The following ADGRL2 variants were observed in gnomAD, a reference collection of about 807,000 sequenced individuals.
ADGRL2 encodes the protein adhesion G protein-coupled receptor L2.
Under a neutral mutation model 157.4 loss-of-function variants are expected in ADGRL2, and 44 were observed. The ratio of observed to expected loss-of-function variants is 0.28; its 90% CI spans 0.22 to 0.36. The LOEUF (loss-of-function observed/expected upper bound fraction) is 0.36, where lower values mean the gene tolerates loss of function less well. Among genes scored for constraint, ADGRL2 ranks in the 10% least tolerant of loss-of-function variants. The pLI is 1.00. For synonymous variants in ADGRL2, 585 were observed against 624.7 expected, an observed-to-expected ratio of 0.94 and a Z score of 0.95; for missense variants, 1,510 against 1,768.9, an observed-to-expected ratio of 0.85 and a Z score of 2.63.
Position 81,992,519 on chromosome 1 carries a change from G to A in ADGRL2, c.*1374G>A, listed in dbSNP as rs1208165530. The A allele has an allele frequency of 6.6e-6, 1 of 152,352 alleles. No individual in the cohort carries two copies. Among genetic ancestry groups the A allele is most frequent in the Non-Finnish European group, 1.5e-5 (1 of 68,016 alleles). The allele number at this position is 152,352 out of a possible 1,614,324, so 9.4% of individuals were successfully genotyped here. ...AAGTAACGTCATACCAAAGTCCATG[G>A]ATATATGAAAGGATACAATTAAGTT... On this transcript the variant is annotated 3_prime_UTR_variant, in exon 24 of 24. Transcript: ENST00000686636.
rs532629131 is a variant in ADGRL2 at position 81,571,378 on chromosome 1, T to C, written c.-247-9498T>C. ...TATATATATAATATATATTTGTATA[T>C]ATGTATATATATGTGTATGTATATA... is the stretch of plus-strand genomic sequence containing the variant. On this transcript the variant is annotated intron_variant, in intron 2 of 24. Coordinates refer to the ADGRL2 transcript ENST00000370721. Among the ~76,000 whole-genome samples, 210 of 147,438 alleles carry C rather than the reference T, an allele frequency of 1.4e-3. 2 individuals carry two copies. The highest frequency in any genetic ancestry group is 5.0e-3 in the African/African-American group (201 of 40,380).
At chr1:81,472,333 T>C (rs1467146171) in intron 2 of ADGRL2, among the ~76,000 whole-genome samples, 4 of 152,158 alleles carry the variant, frequency 2.6e-5, no homozygotes, top group Admixed American at 2.6e-4. Flanking sequence ...CTAAAAGAAA[T>C]CTTGCATTTA....
intron 1 of ADGRL2, among the ~76,000 whole-genome samples, chr1:81,703,458 G>T (rs181546535): frequency 5.9e-4 from 90 of 152,158 alleles, no homozygotes; most frequent in African/African-American, 2.1e-3. Flanking sequence ...TTCCAAGAGA[G>T]AAGGACAGGA....
At chr1:81,556,089 T>TAA (rs1338364677) in intron 2 of ADGRL2, among the ~76,000 whole-genome samples, 1 of 152,040 alleles carries the variant, frequency 6.6e-6, no homozygotes, top group Admixed American at 6.5e-5. Context: ...ATTACTACAC[T>TAA]AACCCAAGAC....
intron 2 of ADGRL2, among the ~76,000 whole-genome samples, chr1:81,486,670 C>T (rs1232845335): frequency 6.6e-6 from 1 of 152,090 alleles, no homozygotes; most frequent in Non-Finnish European, 1.5e-5. Flanking sequence ...TGTCCCTTGC[C>T]TTCAAAGTTA....
intron 2 of ADGRL2, among the ~76,000 whole-genome samples, chr1:81,541,453 G>T (rs572849703): frequency 8.6e-5 from 13 of 151,998 alleles, no homozygotes; most frequent in Non-Finnish European, 1.8e-4. Context: ...TCTCACTCAC[G>T]CCTGCCTACA....
At chr1:81,615,241 AAAACGGACCAATCAGCACTCTGT>A (rs2081619337) in intron 3 of ADGRL2, among the ~76,000 whole-genome samples, 3 of 152,160 alleles carry the variant, frequency 2.0e-5, no homozygotes, top group South Asian at 2.1e-4. Context: ...AGCACTCTGT[AAAACGGACCAATCAGCACTCTGT>A]AAACGGACCA....
At chr1:81,810,172 A>C (rs2089677497) in intron 1 of ADGRL2, among the ~76,000 whole-genome samples, 1 of 151,966 alleles carries the variant, frequency 6.6e-6, no homozygotes, top group African/African-American at 2.4e-5. Flanking sequence ...TTCTAATTCT[A>C]ATCATTTATT....
At chr1:81,767,339 T>C (rs1258789119) in intron 2 of ADGRL2, among the ~76,000 whole-genome samples, 1 of 152,140 alleles carries the variant, frequency 6.6e-6, no homozygotes, top group Non-Finnish European at 1.5e-5. Flanking sequence ...TATAAGTAGA[T>C]ATGTGCAAAA....
intron 6 of ADGRL2, among the ~76,000 whole-genome samples, chr1:81,945,722 T>C (rs749212229): frequency 1.2e-4 from 18 of 152,124 alleles, no homozygotes; most frequent in Non-Finnish European, 2.2e-4. Context: ...TGTATGTTCC[T>C]ACAACTATGG....
chr1:81,350,449 C>G (rs1662801290), intron 1 of ADGRL2, among the ~76,000 whole-genome samples: 1 of 152,108 alleles, frequency 6.6e-6, no homozygotes, highest in East Asian at 1.9e-4. Context: ...AAAAATTTTC[C>G]AAAATCATTT....
intron 1 of ADGRL2, among the ~76,000 whole-genome samples, chr1:81,316,196 T>C (rs1177987587): frequency 3.9e-5 from 6 of 152,164 alleles, no homozygotes; most frequent in Non-Finnish European, 7.4e-5. Flanking sequence ...GTACATTGTT[T>C]ATTTTTCAAA....
At chr1:81,732,442 G>A (rs569628013) in intron 1 of ADGRL2, among the ~76,000 whole-genome samples, 2 of 152,198 alleles carry the variant, frequency 1.3e-5, no homozygotes, top group Non-Finnish European at 1.5e-5. Context: ...AATTGCTTAT[G>A]TATATTATTT....
intron 1 of ADGRL2, among the ~76,000 whole-genome samples, chr1:81,421,575 CT>C (rs1317190964): frequency 1.1e-4 from 16 of 152,116 alleles, no homozygotes; most frequent in Non-Finnish European, 2.4e-4. Context: ...TTTCAAGGTG[CT>C]TTGCTCCTCT....
intron 3 of ADGRL2, among the ~76,000 whole-genome samples, chr1:81,581,400 T>C (rs1273017578): frequency 6.6e-6 from 1 of 152,186 alleles, no homozygotes; most frequent in Non-Finnish European, 1.5e-5. Context: ...ATGAAATCTT[T>C]ATCAGATTCA....
intron 2 of ADGRL2, among the ~76,000 whole-genome samples, chr1:81,891,391 C>T (rs2094260191): frequency 2.0e-5 from 3 of 151,858 alleles, no homozygotes; most frequent in Admixed American, 2.0e-4. Flanking sequence ...GTATGTTGTT[C>T]TTGCAAATGG....
chr1:81,815,221 G>A (rs1424513703), intron 1 of ADGRL2, among the ~76,000 whole-genome samples: 1 of 151,720 alleles, frequency 6.6e-6, no homozygotes, highest in Non-Finnish European at 1.5e-5. Flanking sequence ...AAAAGATACT[G>A]TTATTTTGAC....
intron 2 of ADGRL2, among the ~76,000 whole-genome samples, chr1:81,471,629 A>C (rs1358188079): frequency 6.6e-6 from 1 of 152,212 alleles, no homozygotes; most frequent in Admixed American, 6.5e-5. Context: ...AGGCGTAAAC[A>C]GTTGTTGAAT....
chr1:81,554,769 G>T (rs1200928262), intron 2 of ADGRL2, among the ~76,000 whole-genome samples: 1 of 151,994 alleles, frequency 6.6e-6, no homozygotes, highest in African/African-American at 2.4e-5. Context: ...CCTATACATT[G>T]TAACTCAGGG....
Sources: allele counts gnomAD v4.1 joint callset (sites outside exome capture counted in the v4.1 genomes callset), GRCh38; gene constraint gnomAD v4.1.1; transcripts MANE v1.5; gene names NCBI Gene and HGNC (gene_info 2026-07-23, HGNC 2026-07-21).